The following TAFA5 variants were observed in gnomAD, a reference collection of about 807,000 sequenced individuals.
The protein encoded by TAFA5 is TAFA chemokine like family member 5.
In TAFA5, 6 loss-of-function variants were observed where a neutral mutation model predicts 15.3. The ratio of observed to expected loss-of-function variants is 0.39; its 90% CI spans 0.21 to 0.77. The LOEUF (loss-of-function observed/expected upper bound fraction) is 0.77. TAFA5 is among the 30% of genes least tolerant of loss of function. The pLI is 0.41. For missense variants in TAFA5, 161 were observed against 193.1 expected, an observed-to-expected ratio of 0.83 and a Z score of 0.98; for synonymous variants, 103 against 80.7, an observed-to-expected ratio of 1.28 and a Z score of -1.48.
chr22:48,729,531 C>T (rs932108896), intron 3 of TAFA5, among the ~76,000 whole-genome samples: 8 of 147,806 alleles, frequency 5.4e-5, no homozygotes, highest in Non-Finnish European at 7.5e-5. Context: ...GAAAGCTGTG[C>T]CTCTTACACC....
In TAFA5 at chr22:48,742,889, C is replaced by T. The variant is rs540440184; in HGVS notation, c.391-6950C>T. Among the ~76,000 whole-genome samples, 2 of 152,264 alleles carry T rather than the reference C, an allele frequency of 1.3e-5. No individual in the cohort carries two copies. Among genetic ancestry groups the T allele is most frequent in the South Asian group, 4.1e-4 (2 of 4,826 alleles). On this transcript the variant is annotated intron_variant, in intron 3 of 3. Transcript: ENST00000402357. This position sits in a 1 kb window ranked among gnomAD's most constrained non-coding sequence, Gnocchi z 6.2. Reference sequence around the variant, plus strand: ...TGTGAGGAGGGCCCTCTGCTGCCTCCATGCAGCCCACACGCGGGGCCCCCA... The same window carrying T: ...TGTGAGGAGGGCCCTCTGCTGCCTCTATGCAGCCCACACGCGGGGCCCCCA...
intron 1 of TAFA5, among the ~76,000 whole-genome samples, chr22:48,595,917 G>A (rs531284307): frequency 2.0e-5 from 3 of 152,330 alleles, no homozygotes; most frequent in African/African-American, 4.8e-5. Context: ...TACAACTTTC[G>A]CCATGGTTTG....
chr22:48,595,066 G>A (rs959795999), intron 1 of TAFA5, among the ~76,000 whole-genome samples: 1 of 152,168 alleles, frequency 6.6e-6, no homozygotes, highest in African/African-American at 2.4e-5. Flanking sequence ...CCTTGAGCCT[G>A]TGACCGGGTG....
At chr22:48,714,965 T>G (rs946918612) in intron 3 of TAFA5, among the ~76,000 whole-genome samples, 2 of 152,202 alleles carry the variant, frequency 1.3e-5, no homozygotes, top group Non-Finnish European at 2.9e-5. Flanking sequence ...CCTGCTCTGT[T>G]TGCCAAATTT....
intron 2 of TAFA5, among the ~76,000 whole-genome samples, chr22:48,673,260 G>T (rs1031869863): frequency 1.4e-4 from 21 of 152,008 alleles, no homozygotes; most frequent in African/African-American, 4.8e-4. Flanking sequence ...CACCATCCTT[G>T]TGGATCTCTG....
intron 1 of TAFA5, among the ~76,000 whole-genome samples, chr22:48,638,639 C>T (rs868191810): frequency 3.7e-3 from 486 of 129,936 alleles, no homozygotes; most frequent in Middle Eastern, 5.5e-3. Context: ...AGGCAACAAC[C>T]CCCCCCACAC....
Position 48,489,841 on chromosome 22 carries a change from C to T in TAFA5, c.112+137C>T. 1 of 468,698 alleles carries T rather than the reference C, an allele frequency of 2.1e-6. No individual in the cohort carries two copies. The highest frequency in any genetic ancestry group is 5.7e-5 in the South Asian group (1 of 17,680). The allele number at this position is 468,698 out of a possible 1,614,324, so 29.0% of individuals were successfully genotyped here. On this transcript the variant is annotated intron_variant, in intron 1 of 3. Transcript: ENST00000402357. The surrounding 1 kb of genome is among the most constrained non-coding windows in gnomAD (Gnocchi z 5.5). ...GCCGGGCGCATGGTCCCCCGAGTCCCGGCCGGTCCAACGCTGCGCTGGGCG... is the reference window on the plus strand; with the variant it reads ...GCCGGGCGCATGGTCCCCCGAGTCCTGGCCGGTCCAACGCTGCGCTGGGCG...
chr22:48,608,663 G>T (rs1925286160), intron 1 of TAFA5, among the ~76,000 whole-genome samples: 1 of 152,250 alleles, frequency 6.6e-6, no homozygotes, highest in East Asian at 1.9e-4. Flanking sequence ...TCCTGGTGAG[G>T]AAGGGCTGTT....
chr22:48,719,435 A>G (rs1170805691), intron 3 of TAFA5, among the ~76,000 whole-genome samples: 1 of 152,216 alleles, frequency 6.6e-6, no homozygotes, highest in Non-Finnish European at 1.5e-5. Flanking sequence ...GGCTGAGCTC[A>G]GGAAGAGGTG....
chr22:48,651,287 G>GGTA (rs1927045078), intron 2 of TAFA5, among the ~76,000 whole-genome samples: 1 of 152,196 alleles, frequency 6.6e-6, no homozygotes, highest in Non-Finnish European at 1.5e-5. Flanking sequence ...TTTGGAGGAT[G>GGTA]GTAAACTGCA....
intron 2 of TAFA5, among the ~76,000 whole-genome samples, chr22:48,647,615 G>A (rs564213572): frequency 2.6e-5 from 4 of 152,254 alleles, no homozygotes; most frequent in African/African-American, 9.6e-5. Context: ...GTCACAGGTG[G>A]GCATGTAGGC....
intron 2 of TAFA5, among the ~76,000 whole-genome samples, chr22:48,690,284 G>C (rs1340520120): frequency 6.6e-6 from 1 of 152,198 alleles, no homozygotes; most frequent in East Asian, 1.9e-4. Context: ...GTGTGCTGGA[G>C]ACCCACAGAG....
rs546042469 is a variant in TAFA5 at position 48,740,850 on chromosome 22, A to AC, written c.391-8983dup. On this transcript the variant is annotated intron_variant, in intron 3 of 3. Transcript: ENST00000402357. Reference sequence around the variant, plus strand: ...GCCCTGTTCTCAGGGGAGCTCAGTGACCCCCCGCCCTCACCCCTGAGAACC... The same window carrying AC: ...GCCCTGTTCTCAGGGGAGCTCAGTGACCCCCCCGCCCTCACCCCTGAGAACC... 2.7e-3 allele frequency among the ~76,000 whole-genome samples: 405 copies of AC among 151,444 alleles called. 1 individual carries two copies. Among genetic ancestry groups the AC allele is most frequent in the Middle Eastern group, 6.8e-3 (2 of 292 alleles).
At chr22:48,576,258 C>T (rs1177403223) in intron 1 of TAFA5, 2 of 611,208 alleles carry the variant, frequency 3.3e-6, no homozygotes, top group Non-Finnish European at 4.6e-6. Flanking sequence ...CGCCCGCCCC[C>T]TCCGCGGCGC....
intron 1 of TAFA5, among the ~76,000 whole-genome samples, chr22:48,624,331 T>C (rs990521427): frequency 6.6e-6 from 1 of 152,132 alleles, no homozygotes; most frequent in African/African-American, 2.4e-5. Flanking sequence ...TGGGTCAGGT[T>C]CCTGCCCTGT....
intron 2 of TAFA5, among the ~76,000 whole-genome samples, chr22:48,648,019 G>A (rs1044000035): frequency 1.1e-4 from 17 of 152,198 alleles, no homozygotes; most frequent in Non-Finnish European, 2.4e-4. Flanking sequence ...ACAGGGGCTG[G>A]GCAGGTGGAG....
intron 1 of TAFA5, among the ~76,000 whole-genome samples, chr22:48,561,089 G>A (rs78758064): frequency 0.12 from 18,833 of 152,092 alleles, 1,349 homozygotes; most frequent in African/African-American, 0.19. Context: ...GACTGTGGAT[G>A]GGAGGTGATG....
chr22:48,738,186 C>T (rs1245696524), intron 3 of TAFA5, among the ~76,000 whole-genome samples: 2 of 152,154 alleles, frequency 1.3e-5, no homozygotes, highest in Non-Finnish European at 2.9e-5. Flanking sequence ...GAGCCGAGCA[C>T]GGGGAGCCCA....
chr22:48,495,445 C>A (rs563012217), intron 1 of TAFA5, among the ~76,000 whole-genome samples: 113 of 152,236 alleles, frequency 7.4e-4, no homozygotes, highest in Non-Finnish European at 1.4e-3. Flanking sequence ...TTCATGCTAC[C>A]CTTCTGTGTC....
Sources: allele counts gnomAD v4.1 joint callset (sites outside exome capture counted in the v4.1 genomes callset), GRCh38; gene constraint gnomAD v4.1.1; non-coding constraint Gnocchi (gnomAD v3.1); transcripts MANE v1.5; gene names NCBI Gene and HGNC (gene_info 2026-07-23, HGNC 2026-07-21).